Variants in MPZL3 observed in about 807,000 individuals in gnomAD.
MPZL3 encodes the protein myelin protein zero-like protein 3.
Under a neutral mutation model 24.8 loss-of-function variants are expected in MPZL3, and 23 were observed. The observed-to-expected ratio is 0.93, with a 90% CI of 0.67 to 1.31. MPZL3 has a LOEUF of 1.31. Ranked by LOEUF, MPZL3 falls within the 40% of genes most tolerant of loss-of-function variation. The pLI is 0.00. For synonymous variants in MPZL3, 99 were observed against 106.5 expected, an observed-to-expected ratio of 0.93 and a Z score of 0.44; for missense variants, 277 against 294.9, an observed-to-expected ratio of 0.94 and a Z score of 0.44.
chr11:118,246,585 C>CTTTTTTTTTTTTT (rs71301655), intron 1 of MPZL3, among the ~76,000 whole-genome samples: 1 of 123,280 alleles, frequency 8.1e-6, no homozygotes, highest in Non-Finnish European at 1.6e-5. Flanking sequence ...TTTTTCTTTT[C>CTTTTTTTTTTTTT]TTTTTTTTTT....
intron 1 of MPZL3, among the ~76,000 whole-genome samples, chr11:118,246,433 C>T (rs1050084597): frequency 2.0e-5 from 2 of 101,616 alleles, no homozygotes; most frequent in African/African-American, 8.8e-5. Flanking sequence ...CTAATAATAC[C>T]CTTTTTTTTT....
intron 1 of MPZL3, among the ~76,000 whole-genome samples, chr11:118,245,275 G>A (rs913152395): frequency 6.6e-6 from 1 of 152,336 alleles, no homozygotes; most frequent in East Asian, 1.9e-4. Context: ...GTGGGAGGCA[G>A]AGGTTGCGGT....
intron 1 of MPZL3, among the ~76,000 whole-genome samples, chr11:118,251,385 A>G (rs557488740): frequency 5.3e-5 from 8 of 152,064 alleles, no homozygotes; most frequent in African/African-American, 1.7e-4. Flanking sequence ...AATCCCCATT[A>G]CCCTCAAGGA....
At chr11:118,244,755 A>T (rs1004120690) in intron 1 of MPZL3, among the ~76,000 whole-genome samples, 1 of 152,204 alleles carries the variant, frequency 6.6e-6, no homozygotes, top group African/African-American at 2.4e-5. Flanking sequence ...CTGGGCAAGA[A>T]GAGACCTGAT....
chr11:118,233,754 G>A (rs545525644), intron 4 of MPZL3, among the ~76,000 whole-genome samples: 6 of 152,290 alleles, frequency 3.9e-5, no homozygotes, highest in African/African-American at 9.6e-5. Context: ...AGCACTTTGG[G>A]AGGATGAGGT....
At chr11:118,251,192 T>C (rs772840795) in intron 1 of MPZL3, among the ~76,000 whole-genome samples, 10 of 151,794 alleles carry the variant, frequency 6.6e-5, no homozygotes, top group Non-Finnish European at 1.3e-4. Flanking sequence ...TGCAAAGTAA[T>C]TTAGCTTAAA....
intron 1 of MPZL3, among the ~76,000 whole-genome samples, chr11:118,250,823 GAT>G (rs1290343943): frequency 6.6e-6 from 1 of 152,144 alleles, no homozygotes; most frequent in Non-Finnish European, 1.5e-5. Flanking sequence ...GACCTCAGGT[GAT>G]CCAGCTGCCT....
rs745912014 is a variant in MPZL3, at chr11:118,235,506, C to A, written c.535G>T (p.Val179Leu). ...CCAGCAGCCTTCCTCCCCATTCTCA[C>A]CAGCAGCAGAGCAACCACCACGGCT... ...PSAVVVALLL[V>L]RMGRKAAGLK... Residue 179 changes from valine to leucine, a missense_variant, in exon 4 of 6, where the codon GTG becomes TTG. Val to Leu is a conservative substitution (Grantham distance 32). Transcript: ENST00000278949. 8.7e-6 allele frequency: 14 copies of A among 1,613,858 alleles called. No homozygotes were observed. The Admixed American group carries it at 2.3e-4, about 27-fold the overall frequency.
chr11:118,233,205 C>T (rs1591490240), intron 5 of MPZL3, among the ~76,000 whole-genome samples: 2 of 152,254 alleles, frequency 1.3e-5, no homozygotes, highest in Non-Finnish European at 2.9e-5. Flanking sequence ...TGTCAGTCAG[C>T]AGAAACTACT....
rs1346332239 is a variant in MPZL3, at chr11:118,233,476, C to T, written c.665G>A (p.Arg222His). Reference sequence around the variant, plus strand: ...TGCACTTACCAGGCACTCAGCGCAACGGACACAAAGCCTCGCCATACACGC... The same window carrying T: ...TGCACTTACCAGGCACTCAGCGCAATGGACACAAAGCCTCGCCATACACGC... ...EEACMARLCV[R>H]CAECLDSDYE... is the part of the protein sequence containing the mutation. The change falls in exon 5 of 6, where the codon CGT becomes CAT. Residue 222 changes from arginine (R) to histidine (H), a missense_variant. Arg to His is a conservative substitution (Grantham distance 29). Transcript: ENST00000278949. 2.0e-5 allele frequency: 32 copies of T among 1,613,746 alleles called. No homozygotes were observed. Among genetic ancestry groups the T allele is most frequent in the Non-Finnish European group, 2.5e-5 (29 of 1,179,886 alleles).
At chr11:118,250,749 T>G (rs981784921) in intron 1 of MPZL3, among the ~76,000 whole-genome samples, 5 of 151,698 alleles carry the variant, frequency 3.3e-5, no homozygotes, top group African/African-American at 1.2e-4. Context: ...CCTGGCTAAT[T>G]TTTTTTGTAT....
At chr11:118,241,407 G>C (rs140553764) in intron 1 of MPZL3, among the ~76,000 whole-genome samples, 1 of 152,166 alleles carries the variant, frequency 6.6e-6, no homozygotes, top group Admixed American at 6.5e-5. Flanking sequence ...CGCAGGCCAC[G>C]GCTCCTACAC....
chr11:118,230,174 C>T (rs1949332302), intron 5 of MPZL3, among the ~76,000 whole-genome samples: 1 of 152,154 alleles, frequency 6.6e-6, no homozygotes, highest in Admixed American at 6.5e-5. Context: ...AACCTCAACA[C>T]ACAAGAAAAG....
chr11:118,252,338 C>T lies in MPZL3; in HGVS notation c.-44G>A, dbSNP rs1226242149. 6.3e-7 allele frequency: 1 copy of T among 1,593,276 alleles called. No homozygotes were observed. Among genetic ancestry groups the T allele is most frequent in the Non-Finnish European group, 8.6e-7 (1 of 1,162,958 alleles). On this transcript the variant is annotated 5_prime_UTR_variant, in exon 1 of 6. Coordinates refer to ENST00000278949, the MANE Select transcript of MPZL3 (RefSeq NM_198275.3). ...GCTTGCACACCTTGTTTACAGCTCC[C>T]GGTAACGACACAGGTAACACCGGAA...
chr11:118,236,156 C>T (rs1322892397), intron 3 of MPZL3, among the ~76,000 whole-genome samples: 1 of 152,130 alleles, frequency 6.6e-6, no homozygotes, highest in African/African-American at 2.4e-5. Flanking sequence ...ATTTTTAAGG[C>T]ACTGATTCAT....
At chr11:118,244,049 A>G (rs1485463618) in intron 1 of MPZL3, among the ~76,000 whole-genome samples, 1 of 152,148 alleles carries the variant, frequency 6.6e-6, no homozygotes, top group Non-Finnish European at 1.5e-5. Context: ...AAAAGGCATC[A>G]TATATCTTAA....
chr11:118,240,182 A>C (rs760099891), intron 2 of MPZL3, 29 bp downstream of exon 2: 2 of 1,509,018 alleles, frequency 1.3e-6, no homozygotes, highest in Admixed American at 5.3e-5. Flanking sequence ...TGTTGACCAA[A>C]GGAACATTCC....
intron 5 of MPZL3, among the ~76,000 whole-genome samples, chr11:118,232,580 A>AG: frequency 3.3e-5 from 5 of 152,108 alleles, no homozygotes; most frequent in African/African-American, 1.2e-4. Flanking sequence ...ATCACTGTTG[A>AG]ATGGATTAAT....
intron 4 of MPZL3, among the ~76,000 whole-genome samples, chr11:118,234,560 G>A (rs984398395): frequency 1.4e-4 from 22 of 152,284 alleles, no homozygotes; most frequent in African/African-American, 3.6e-4. Flanking sequence ...CAGCTGGGAC[G>A]TGGGGAGATG....
Sources: allele counts gnomAD v4.1 joint callset (sites outside exome capture counted in the v4.1 genomes callset), GRCh38; gene constraint gnomAD v4.1.1; transcripts MANE v1.5; gene names NCBI Gene and HGNC (gene_info 2026-07-23, HGNC 2026-07-21).